The following RTL4 variants were observed in gnomAD, a reference collection of about 807,000 sequenced individuals.
RTL4 encodes the protein retrotransposon Gag-like protein 4.
RTL4 carries 4 observed loss-of-function variants against 5.3 expected under a neutral mutation model. The observed-to-expected ratio is 0.75, with a 90% CI of 0.37 to 1.72. RTL4 has a LOEUF of 1.72. Among genes scored for constraint, RTL4 ranks in the 40% most tolerant of loss-of-function variants. The pLI is 0.04. For synonymous variants in RTL4, 98 were observed against 87.3 expected (o/e 1.12, Z -0.68); for missense variants, 260 against 227.1 (o/e 1.14, Z -0.93).
the RTL4 span, among the ~76,000 whole-genome samples, chrX:112,131,020 C>T: frequency 4.7e-5 from 5 of 107,062 alleles, no homozygotes; most frequent in Non-Finnish European, 9.5e-5. Flanking sequence ...AGGATGGTCT[C>T]GATCTCCTGA....
the RTL4 span, among the ~76,000 whole-genome samples, chrX:112,261,807 A>G: frequency 2.7e-5 from 3 of 112,234 alleles, no homozygotes; most frequent in Non-Finnish European, 5.6e-5. Context: ...AAAAGGCTGC[A>G]GTAACCAAAA....
chrX:112,381,718 C>T, the RTL4 span: 3 of 1,200,543 alleles, frequency 2.5e-6, no homozygotes, highest in Non-Finnish European at 3.4e-6. Flanking sequence ...CAATGAGGGA[C>T]ATTGCTATAT....
chrX:112,230,564 A>T, the RTL4 span, among the ~76,000 whole-genome samples: 1 of 112,012 alleles, frequency 8.9e-6, no homozygotes, highest in Admixed American at 9.4e-5. Context: ...TGAACCCGGT[A>T]CCTCAGTTGG....
chrX:112,347,299 T>C, the RTL4 span, among the ~76,000 whole-genome samples: 1 of 111,792 alleles, frequency 8.9e-6, no homozygotes, highest in Non-Finnish European at 1.9e-5. Flanking sequence ...GTGAAAAGCA[T>C]GACAAATATG....
chrX:112,168,741 C>G, the RTL4 span, among the ~76,000 whole-genome samples: 2 of 111,949 alleles, frequency 1.8e-5, no homozygotes, highest in African/African-American at 6.5e-5. Context: ...CCATCCCTTT[C>G]CTGAAAAACT....
At chrX:112,287,529 C>G in the RTL4 span, among the ~76,000 whole-genome samples, 1 of 111,367 alleles carries the variant, frequency 9.0e-6, no homozygotes, top group African/African-American at 3.3e-5. Flanking sequence ...TTTTGAGTAC[C>G]TACTCTGTGC....
the RTL4 span, among the ~76,000 whole-genome samples, chrX:112,209,925 C>T: frequency 9.0e-5 from 10 of 111,692 alleles, no homozygotes; most frequent in Middle Eastern, 4.6e-3. Context: ...TAGAAGCCTC[C>T]GCTGTGATTC....
chrX:112,138,517 A>G, the RTL4 span, among the ~76,000 whole-genome samples: 3 of 111,328 alleles, frequency 2.7e-5, no homozygotes, highest in East Asian at 2.8e-4. Context: ...TTATCTAGGA[A>G]CTCATCTAGT....
the RTL4 span, among the ~76,000 whole-genome samples, chrX:112,439,564 C>A: frequency 8.0e-5 from 9 of 111,817 alleles, no homozygotes; most frequent in Non-Finnish European, 1.9e-5. Flanking sequence ...AAAGAAAAAT[C>A]TGCCAATACC....
At chrX:112,399,997 G>T in the RTL4 span, among the ~76,000 whole-genome samples, 12 of 111,031 alleles carry the variant, frequency 1.1e-4, no homozygotes, top group African/African-American at 3.9e-4. Flanking sequence ...TCATTCCTCT[G>T]TAATTAATGT....
the RTL4 span, among the ~76,000 whole-genome samples, chrX:112,123,191 CAAT>C: frequency 8.9e-6 from 1 of 111,800 alleles, no homozygotes. Flanking sequence ...TCTTCTTTGC[CAAT>C]AATGTTTTTG....
At chrX:112,160,851 C>G in the RTL4 span, among the ~76,000 whole-genome samples, 9 of 108,112 alleles carry the variant, frequency 8.3e-5, no homozygotes, top group Non-Finnish European at 5.7e-5. Flanking sequence ...GTTAGGCTAG[C>G]AATGGATTGC....
the RTL4 span, among the ~76,000 whole-genome samples, chrX:112,445,075 C>T: frequency 3.6e-5 from 4 of 111,493 alleles, no homozygotes; most frequent in African/African-American, 1.3e-4. Context: ...CATGGCCTTG[C>T]TGAAATCTGG....
the RTL4 span, among the ~76,000 whole-genome samples, chrX:112,306,901 C>A: frequency 8.9e-6 from 1 of 111,889 alleles, no homozygotes; most frequent in Non-Finnish European, 1.9e-5. Flanking sequence ...GGAGCTAAAT[C>A]CTGAAAGATG....
chrX:112,328,716 C>G, the RTL4 span, among the ~76,000 whole-genome samples: 2 of 111,697 alleles, frequency 1.8e-5, no homozygotes, highest in African/African-American at 3.3e-5. Context: ...TTTTTTTCAG[C>G]ACCACATCAC....
the RTL4 span, among the ~76,000 whole-genome samples, chrX:112,105,823 A>G: frequency 9.0e-6 from 1 of 111,522 alleles, no homozygotes; most frequent in African/African-American, 3.2e-5. Flanking sequence ...GTCATCTGCA[A>G]ATAGAAACAG....
chrX:112,295,857 T>A, the RTL4 span, among the ~76,000 whole-genome samples: 1 of 112,711 alleles, frequency 8.9e-6, no homozygotes, highest in African/African-American at 3.2e-5. Flanking sequence ...AGTGTTTTTA[T>A]ATTGAAATGC....
chrX:112,453,032 C>CAAAA (rs10680168), upstream of RTL4, among the ~76,000 whole-genome samples: 2 of 96,101 alleles, frequency 2.1e-5, no homozygotes, highest in African/African-American at 3.8e-5. Flanking sequence ...GACTCTGTCT[C>CAAAA]AAAAAAAAAA....
At chrX:112,288,148 T>A in the RTL4 span, among the ~76,000 whole-genome samples, 46 of 112,087 alleles carry the variant, frequency 4.1e-4, no homozygotes, top group African/African-American at 1.3e-3. Flanking sequence ...GCTATGGAGT[T>A]ACGATGACTT....
Sources: gnomAD v4.1 joint callset for allele counts (sites outside exome capture counted in the v4.1 genomes callset) on GRCh38, gnomAD v4.1.1 for gene constraint, MANE v1.5 for transcripts, NCBI Gene and HGNC (gene_info 2026-07-23, HGNC 2026-07-21) for gene names.